CFAP46: variants seen among roughly 807,000 people sequenced by gnomAD.
CFAP46 encodes the protein cilia and flagella associated protein 46.
CFAP46 carries 245 observed loss-of-function variants against 325.7 expected under a neutral mutation model. The observed-to-expected ratio is 0.75, with a 90% confidence interval of 0.68 to 0.84. The LOEUF is 0.84. CFAP46 is among the 40% of genes least tolerant of loss of function. CFAP46 has a pLI of 0.00. For missense variants in CFAP46, 3,346 were observed against 3,543.0 expected, an observed-to-expected ratio of 0.94 and a Z score of 1.41; for synonymous variants, 1,523 against 1,495.9, an observed-to-expected ratio of 1.02 and a Z score of -0.42.
chr10:132,829,368 T>G (rs1278870900), intron 50 of CFAP46, among the ~76,000 whole-genome samples: 1 of 152,270 alleles, frequency 6.6e-6, no homozygotes. Context: ...GTTAGTTATA[T>G]AGAAATGCAA....
chr10:132,865,778 G>T (rs1487062168), intron 35 of CFAP46, among the ~76,000 whole-genome samples: 1 of 152,256 alleles, frequency 6.6e-6, no homozygotes, highest in Non-Finnish European at 1.5e-5. Context: ...GAAACGAGAG[G>T]TTGCAGAGAC....
intron 54 of CFAP46, among the ~76,000 whole-genome samples, chr10:132,813,176 A>G (rs1387551181): frequency 6.6e-6 from 1 of 152,052 alleles, no homozygotes; most frequent in African/African-American, 2.4e-5. Flanking sequence ...GGGAAACGCT[A>G]GGAGGGGCTT....
Position 132,819,560 on chromosome 10 carries a change from A to C in CFAP46, c.7118-4646T>G, listed in dbSNP as rs1397264191. ...AAGCAGACACTGGGCCCGATAGAAG[A>C]GAATGGAGAATCCAGAAATAAACCC... On this transcript the variant is annotated intron_variant, in intron 50 of 57. Coordinates refer to ENST00000368586, the MANE Select transcript of CFAP46 (RefSeq NM_001200049.3). 2.0e-5 allele frequency among the ~76,000 whole-genome samples: 3 copies of C among 152,374 alleles called. No homozygotes were observed. In the East Asian group the frequency reaches 5.8e-4, roughly 29 times the overall value.
intron 51 of CFAP46, 37 bp downstream of exon 51, chr10:132,814,807 C>T (rs752130478): frequency 8.7e-6 from 14 of 1,613,762 alleles, no homozygotes; most frequent in Admixed American, 5.0e-5. Flanking sequence ...CCCGCTGTGC[C>T]CACCAGCCCG....
At chr10:132,885,781 G>T in intron 26 of CFAP46, 40 bp downstream of exon 26, 1 of 1,423,438 alleles carries the variant, frequency 7.0e-7, no homozygotes, top group Non-Finnish European at 9.2e-7. Flanking sequence ...GCACTCAGGC[G>T]GTGGAGGGAG....
chr10:132,908,594 A>C lies in CFAP46; in HGVS notation c.2798T>G (p.Leu933Arg). The C allele has an allele frequency of 6.5e-7, 1 of 1,549,358 alleles. No homozygotes were observed. Among genetic ancestry groups the C allele is most frequent in the Non-Finnish European group, 8.7e-7 (1 of 1,146,322 alleles). ...CCGCGTCAGGGTCTGCAGCTCCACC[A>C]GGGGGTCCGACCAGTTGCACTCGGA... ...MASECNWSDP[L>R]VELQTLTRLT... is the part of the protein sequence containing the mutation. Residue 933 changes from leucine (L) to arginine (R), a missense_variant, in exon 22 of 58, where the codon CTG becomes CGG. By Grantham distance (102) the Leu-to-Arg change is moderately radical. Coordinates refer to ENST00000368586, the MANE Select transcript of CFAP46 (RefSeq NM_001200049.3).
intron 50 of CFAP46, among the ~76,000 whole-genome samples, chr10:132,822,917 G>T (rs1430896003): frequency 8.6e-5 from 12 of 139,484 alleles, no homozygotes; most frequent in African/African-American, 3.0e-4. Context: ...CTGTGTGAGT[G>T]CTGATGTGTG....
intron 34 of CFAP46, among the ~76,000 whole-genome samples, chr10:132,866,591 G>A (rs758625040): frequency 7.2e-5 from 11 of 152,254 alleles, no homozygotes; most frequent in Middle Eastern, 6.8e-3. Flanking sequence ...GGTGTGGGCC[G>A]GTGGCTGAGC....
chr10:132,942,367 C>G (rs1435493136), intron 1 of CFAP46, 69 bp downstream of exon 1: 4 of 1,337,340 alleles, frequency 3.0e-6, no homozygotes, highest in Admixed American at 7.1e-5. Flanking sequence ...CCGGGGCCTC[C>G]CCGGGGCGGG....
chr10:132,922,422 C>T, intron 12 of CFAP46, 58 bp downstream of exon 12: 1 of 1,437,974 alleles, frequency 7.0e-7, no homozygotes, highest in East Asian at 2.5e-5. Context: ...CAGAGCCCCG[C>T]CCCGGCCCCA....
At chr10:132,810,525 AC>A (rs763471861) in intron 56 of CFAP46, 36 bp from the exon 57 acceptor site, 4 of 1,585,648 alleles carry the variant, frequency 2.5e-6, no homozygotes, top group South Asian at 1.1e-5. Flanking sequence ...GGGCATGGAC[AC>A]CCTGGCAGCC....
chr10:132,918,711 C>A (rs972114143), intron 15 of CFAP46, among the ~76,000 whole-genome samples, 191 bp from the exon 16 acceptor site: 5 of 152,122 alleles, frequency 3.3e-5, no homozygotes, highest in Admixed American at 2.0e-4. Flanking sequence ...CGTGGGATGG[C>A]GGAGGTGGGT....
rs374741980 is a variant in CFAP46, at chr10:132,913,092, C to T, written c.2287G>A (p.Ala763Thr). 3.5e-5 allele frequency: 54 copies of T among 1,550,360 alleles called. No individual in the cohort carries two copies. The East Asian group carries it at 3.7e-4, about 11-fold the overall frequency. Residue 763 changes from alanine (A) to threonine (T), a missense_variant, in exon 18 of 58, where the codon GCC becomes ACC. Transcript: ENST00000368586. ...LAGRQKELVD[A>T]LYHLLSIVKA... ...ACGATGCTCAGGAGGTGGTACAGGG[C>T]GTCCACCAGCTCCTTCTGCCGCCCG...
At position 132,821,479 on chromosome 10, in the gene CFAP46, TGC is replaced by T. The variant is rs1208168140; in HGVS notation, c.7118-6567_7118-6566del. Among the ~76,000 whole-genome samples the T allele has an allele frequency of 5.0e-3, 719 of 144,728 alleles. 13 individuals carry two copies. The highest frequency in any genetic ancestry group is 0.017 in the African/African-American group (631 of 37,452). The allele number at this position is 144,728 out of a possible 152,430, so 94.9% of individuals were successfully genotyped here. Reference sequence around the variant, plus strand: ...TGTGTGTGCTGATGTGTGTTGTGTGTGCTGTGTGAGTGCTGATGTGTGCTGTG... The same window carrying T: ...TGTGTGTGCTGATGTGTGTTGTGTGTTGTGTGAGTGCTGATGTGTGCTGTG... On this transcript the variant is annotated intron_variant, in intron 50 of 57. Coordinates refer to ENST00000368586, the MANE Select transcript of CFAP46 (RefSeq NM_001200049.3).
chr10:132,904,392 G>C (rs879875553), intron 22 of CFAP46, among the ~76,000 whole-genome samples: 8 of 83,788 alleles, frequency 9.5e-5, no homozygotes, highest in Non-Finnish European at 1.9e-4. Flanking sequence ...CAGGGCAGAG[G>C]GGCTCCCGCT....
Position 132,867,491 on chromosome 10 carries a change from C to A in CFAP46, c.4627G>T (p.Ala1543Ser). Residue 1543 changes from alanine to serine, a missense_variant, in exon 34 of 58, where the codon GCG becomes TCG. Physicochemically the swap from Ala to Ser is moderately conservative, Grantham distance 99 (BLOSUM62 1). Coordinates refer to ENST00000368586, the MANE Select transcript of CFAP46 (RefSeq NM_001200049.3). ...TCCTTATTTTTCTCTTTTTTCAACGCGATCTCTTTTCTGCAGCTAATGCGA... is the reference window on the plus strand; with the variant it reads ...TCCTTATTTTTCTCTTTTTTCAACGAGATCTCTTTTCTGCAGCTAATGCGA... ...LEQASCRKEI[A>S]LKKEKNKEPL... The A allele has an allele frequency of 6.5e-7, 1 of 1,550,100 alleles. No individual in the cohort carries two copies. The highest frequency in any genetic ancestry group is 8.7e-7 in the Non-Finnish European group (1 of 1,146,910).
At chr10:132,908,354 C>T (rs938361372) in intron 22 of CFAP46, 114 bp downstream of exon 22, 6 of 1,313,698 alleles carry the variant, frequency 4.6e-6, no homozygotes, top group African/African-American at 1.5e-5. Flanking sequence ...GCGCTCCCTG[C>T]CCGTTTTGGG....
intron 7 of CFAP46, among the ~76,000 whole-genome samples, chr10:132,935,708 C>G (rs534880060): frequency 3.7e-4 from 48 of 130,866 alleles, no homozygotes; most frequent in African/African-American, 1.5e-3. Context: ...ACACTGTGAT[C>G]TCCTCACTCC....
In CFAP46 at chr10:132,904,296, G is replaced by A. The variant is rs527820082; in HGVS notation, c.2924+4172C>T. 1.6e-4 allele frequency among the ~76,000 whole-genome samples: 24 copies of A among 152,358 alleles called. No individual in the cohort carries two copies. The East Asian group carries it at 4.2e-3, about 27-fold the overall frequency. On this transcript the variant is annotated intron_variant, in intron 22 of 57. Coordinates refer to ENST00000368586, the MANE Select transcript of CFAP46 (RefSeq NM_001200049.3). Reference sequence around the variant, plus strand: ...ATCTCCTGCTGAGCAGCACGCCTGCGGGTTCTCTCCAGTCTCCTGGCACCC... The same window carrying A: ...ATCTCCTGCTGAGCAGCACGCCTGCAGGTTCTCTCCAGTCTCCTGGCACCC...
Sources: allele counts gnomAD v4.1 joint callset (sites outside exome capture counted in the v4.1 genomes callset), GRCh38; gene constraint gnomAD v4.1.1; transcripts MANE v1.5; gene names NCBI Gene and HGNC (gene_info 2026-07-23, HGNC 2026-07-21).